The following LEKR1 variants were observed in gnomAD, a reference collection of about 807,000 sequenced individuals.
LEKR1 encodes the protein protein LEKR1.
Under a neutral mutation model 72.4 loss-of-function variants are expected in LEKR1, and 59 were observed. That is an observed-to-expected ratio of 0.82 (90% CI 0.66 to 1.01). The LOEUF is 1.01. Ranked by LOEUF, LEKR1 falls within the 50% of genes least tolerant of loss-of-function variation. LEKR1 has a pLI of 0.00. For missense variants in LEKR1, 728 were observed against 759.2 expected (o/e 0.96, Z 0.48); for synonymous variants, 257 against 263.2 (o/e 0.98, Z 0.23).
Position 157,028,411 on chromosome 3 carries a change from C to T in LEKR1, c.1668+9C>T. 1 of 1,565,452 alleles carries T rather than the reference C, an allele frequency of 6.4e-7. No homozygotes were observed. The highest frequency in any genetic ancestry group is 8.6e-7 in the Non-Finnish European group (1 of 1,157,796). ...ACCAGTCCCAGGAAGAGGTAGGAAG[C>T]AGATAGTGGTAACTTTGCAATTAAT... On this transcript the variant is annotated intron_variant, in intron 12 of 12. Coordinates refer to ENST00000356539, the MANE Select transcript of LEKR1 (RefSeq NM_001004316.3).
chr3:157,006,351 A>G (rs935278307), intron 9 of LEKR1, among the ~76,000 whole-genome samples: 5 of 152,236 alleles, frequency 3.3e-5, no homozygotes, highest in Non-Finnish European at 7.3e-5. Context: ...ACCTGAAAGT[A>G]TGAAGTGTTT....
Position 156,879,068 on chromosome 3 carries a change from C to T in LEKR1, c.263+26086C>T, listed in dbSNP as rs898105164. On this transcript the variant is annotated intron_variant, in intron 3 of 12. Transcript: ENST00000356539. ...AAATTGGTACCGGTAGAGTGGGTCA[C>T]TGCTGTAAAGATAACTGAAAATGTG... 4.6e-5 allele frequency among the ~76,000 whole-genome samples: 7 copies of T among 152,172 alleles called. No homozygotes were observed. In the East Asian group the frequency reaches 1.2e-3, roughly 25 times the overall value.
intron 2 of LEKR1, among the ~76,000 whole-genome samples, chr3:156,835,115 T>C (rs1327105903): frequency 1.3e-5 from 2 of 152,354 alleles, no homozygotes; most frequent in Admixed American, 6.5e-5. Context: ...ATCAGTTTCT[T>C]GATTACCTAT....
intron 6 of LEKR1, among the ~76,000 whole-genome samples, chr3:156,945,436 C>G (rs1348943058): frequency 6.6e-6 from 1 of 151,304 alleles, no homozygotes; most frequent in East Asian, 1.9e-4. Flanking sequence ...GTGATCCCTG[C>G]AGAATGTTTT....
In LEKR1 at chr3:156,942,653, A is replaced by C. The variant is rs1726318282; in HGVS notation, c.684A>C (p.Thr228=). 7.9e-7 allele frequency: 1 copy of C among 1,271,404 alleles called. No individual in the cohort carries two copies. 78.8% of individuals were successfully genotyped at this position (1,271,404 alleles called of 1,614,324 possible). ...TATTGAGATCTCAGCAGATTCGGACATCTAGACAACAGGAAGTAAACTTGC... is the reference window on the plus strand; with the variant it reads ...TATTGAGATCTCAGCAGATTCGGACCTCTAGACAACAGGAAGTAAACTTGC... ...AAILRSQQIR[T]SRQQEVNLQT... Residue 228 remains threonine (T), a synonymous_variant, in exon 6 of 13, where the codon ACA becomes ACC. Transcript: ENST00000356539.
chr3:157,042,354 C>T (rs1322644700), intron 12 of LEKR1, among the ~76,000 whole-genome samples: 1 of 152,230 alleles, frequency 6.6e-6, no homozygotes, highest in Non-Finnish European at 1.5e-5. Flanking sequence ...GCTCTTCCCC[C>T]ACCCCGCTGG....
intron 7 of LEKR1, among the ~76,000 whole-genome samples, chr3:156,985,359 T>A (rs541966455): frequency 1.2e-4 from 19 of 152,280 alleles, no homozygotes; most frequent in African/African-American, 3.9e-4. Context: ...TAGCCATGAT[T>A]ACATCTGGGA....
chr3:156,945,187 C>T (rs1192194333), intron 6 of LEKR1, among the ~76,000 whole-genome samples: 1 of 151,762 alleles, frequency 6.6e-6, no homozygotes, highest in African/African-American at 2.4e-5. Flanking sequence ...AACACCTTTC[C>T]ATATACCTGT....
intron 3 of LEKR1, among the ~76,000 whole-genome samples, chr3:156,918,992 C>G (rs1331475016): frequency 6.6e-6 from 1 of 152,094 alleles, no homozygotes; most frequent in African/African-American, 2.4e-5. Flanking sequence ...AGATTAATCC[C>G]CTCCCTTGTG....
At chr3:156,841,529 T>C (rs1033966838) in intron 2 of LEKR1, among the ~76,000 whole-genome samples, 1 of 152,120 alleles carries the variant, frequency 6.6e-6, no homozygotes, top group Admixed American at 6.5e-5. Context: ...CTGCCTAAGG[T>C]CCTAGACAAG....
At chr3:156,869,409 A>T (rs1717662641) in intron 3 of LEKR1, among the ~76,000 whole-genome samples, 1 of 152,054 alleles carries the variant, frequency 6.6e-6, no homozygotes, top group African/African-American at 2.4e-5. Context: ...CTGGGGTAAG[A>T]TGATATCTCG....
At chr3:157,011,353 C>T (rs1408193063) in intron 9 of LEKR1, 60 bp from the exon 10 acceptor site, 5 of 1,164,396 alleles carry the variant, frequency 4.3e-6, no homozygotes, top group Non-Finnish European at 6.5e-6. Context: ...CCAGGAACTA[C>T]AACTTAGGAA....
Position 156,832,532 on chromosome 3 carries a change from A to G in LEKR1, c.48+3155A>G, listed in dbSNP as rs1019691153. Among the ~76,000 whole-genome samples, 4 of 152,322 alleles carry G rather than the reference A, an allele frequency of 2.6e-5. No individual in the cohort carries two copies. In the East Asian group the frequency reaches 5.8e-4, roughly 22 times the overall value. ...ATGCAGCAAGAATAGTTATTTGCCAAATAGGTTCTTTTTCTAAAAATAATT... is the reference window on the plus strand; with the variant it reads ...ATGCAGCAAGAATAGTTATTTGCCAGATAGGTTCTTTTTCTAAAAATAATT... On this transcript the variant is annotated intron_variant, in intron 2 of 12. Transcript: ENST00000356539.
At chr3:157,036,029 G>A (rs1734948295) in intron 12 of LEKR1, among the ~76,000 whole-genome samples, 1 of 152,186 alleles carries the variant, frequency 6.6e-6, no homozygotes, top group African/African-American at 2.4e-5. Context: ...AGCACACTGA[G>A]CTTAAGGTAA....
intron 3 of LEKR1, among the ~76,000 whole-genome samples, chr3:156,874,555 A>G (rs1718342521): frequency 6.6e-6 from 1 of 151,352 alleles, no homozygotes; most frequent in Non-Finnish European, 1.5e-5. Context: ...TTTTTTTCCA[A>G]TAGTTTTTGG....
chr3:156,960,608 A>T (rs577693797), intron 6 of LEKR1, among the ~76,000 whole-genome samples: 1 of 152,190 alleles, frequency 6.6e-6, no homozygotes, highest in Non-Finnish European at 1.5e-5. Context: ...TTTTATGATC[A>T]TTACTTTTCT....
intron 2 of LEKR1, among the ~76,000 whole-genome samples, chr3:156,850,336 GA>G (rs1252649765): frequency 6.6e-6 from 1 of 151,906 alleles, no homozygotes; most frequent in Non-Finnish European, 1.5e-5. Flanking sequence ...TCACATAATA[GA>G]ATGGAAAGTA....
intron 6 of LEKR1, among the ~76,000 whole-genome samples, chr3:156,972,536 G>A (rs949436333): frequency 6.6e-6 from 1 of 151,744 alleles, no homozygotes; most frequent in East Asian, 1.9e-4. Context: ...ACAGATTTTA[G>A]TTTAAATGAG....
At chr3:156,948,511 T>A (rs1437912865) in intron 6 of LEKR1, among the ~76,000 whole-genome samples, 2 of 151,234 alleles carry the variant, frequency 1.3e-5, no homozygotes, top group Non-Finnish European at 3.0e-5. Flanking sequence ...ATTAAATTCA[T>A]CTGAAGCTCT....
Sources: gnomAD v4.1 joint callset for allele counts (sites outside exome capture counted in the v4.1 genomes callset) on GRCh38, gnomAD v4.1.1 for gene constraint, MANE v1.5 for transcripts, NCBI Gene and HGNC (gene_info 2026-07-23, HGNC 2026-07-21) for gene names.